Variants in PRMT2 observed in about 807,000 individuals in gnomAD.
The protein encoded by PRMT2 is protein arginine N-methyltransferase 2.
PRMT2 carries 26 observed loss-of-function variants against 57.6 expected under a neutral mutation model. The ratio of observed to expected loss-of-function variants is 0.45; its 90% CI spans 0.33 to 0.63. The LOEUF is 0.63. Among genes scored for constraint, PRMT2 ranks in the 20% least tolerant of loss-of-function variants. The probability of loss-of-function intolerance (pLI) is 0.02; values close to 1 mark genes in which losing one functional copy is unlikely to be tolerated. For synonymous variants in PRMT2, 219 were observed against 220.0 expected (o/e 1.00, Z 0.04); for missense variants, 472 against 564.4 (o/e 0.84, Z 1.66).
At chr21:46,653,327 AT>A (rs1172558472) in intron 7 of PRMT2, 31 of 985,338 alleles carry the variant, frequency 3.1e-5, no homozygotes, top group Middle Eastern at 5.2e-4. Context: ...GCCAGTAAGA[AT>A]TTAATTTCAT....
intron 3 of PRMT2, among the ~76,000 whole-genome samples, chr21:46,638,531 C>G (rs139261378): frequency 4.0e-4 from 61 of 152,330 alleles, no homozygotes; most frequent in African/African-American, 1.4e-3. Context: ...TTCAGTTTTA[C>G]TGGATAATGA....
chr21:46,647,557 G>A (rs1050151775), intron 5 of PRMT2, among the ~76,000 whole-genome samples: 6 of 152,006 alleles, frequency 3.9e-5, no homozygotes, highest in East Asian at 1.9e-4. Flanking sequence ...GCTGGAGTGC[G>A]GTGGTGCAGT....
intron 3 of PRMT2, chr21:46,643,212 G>A (rs150023154): frequency 3.4e-4 from 64 of 189,610 alleles, no homozygotes; most frequent in African/African-American, 1.4e-3. Flanking sequence ...TTCTCTTCAT[G>A]GGGTTGATGA....
chr21:46,638,888 A>T (rs1184203386), intron 3 of PRMT2, among the ~76,000 whole-genome samples: 1 of 151,802 alleles, frequency 6.6e-6, no homozygotes, highest in Non-Finnish European at 1.5e-5. Flanking sequence ...TTTCTATTTC[A>T]TTGATTTCTG....
At chr21:46,654,525 T>C (rs933106760) in intron 7 of PRMT2, among the ~76,000 whole-genome samples, 1 of 152,162 alleles carries the variant, frequency 6.6e-6, no homozygotes, top group South Asian at 2.1e-4. Context: ...ATAGTAGCAA[T>C]CGACTGGTGA....
At chr21:46,658,587 C>G in intron 7 of PRMT2, 158 bp from the exon 8 acceptor site, 10 of 1,337,752 alleles carry the variant, frequency 7.5e-6, no homozygotes, top group Non-Finnish European at 1.0e-5. Flanking sequence ...AATAAACCCT[C>G]GAGATGTTCT....
At chr21:46,659,405 G>A in intron 8 of PRMT2, 8 of 985,874 alleles carry the variant, frequency 8.1e-6, no homozygotes, top group Non-Finnish European at 8.4e-6. Flanking sequence ...GCAAAAACAC[G>A]ATTGTAAAAG....
chr21:46,636,982 G>A lies in PRMT2; in HGVS notation c.31G>A (p.Glu11Lys), dbSNP rs2061183213. Reference protein sequence around the residue: MATSGDCPRSESQGEEPAECS... With the variant: MATSGDCPRSKSQGEEPAECS... Reference sequence around the variant, plus strand: ...AACATCAGGTGACTGTCCCAGAAGTGAATCGCAGGTAATTTCCGTTCCACT... The same window carrying A: ...AACATCAGGTGACTGTCCCAGAAGTAAATCGCAGGTAATTTCCGTTCCACT... The change falls in exon 3 of 12, where the codon GAA (glutamate) becomes AAA (lysine). Residue 11 changes from glutamate to lysine, a missense_variant. By Grantham distance (56) the Glu-to-Lys change is moderately conservative. Coordinates refer to ENST00000355680, the MANE Select transcript of PRMT2 (RefSeq NM_206962.4). 4 of 1,613,696 alleles carry A rather than the reference G, an allele frequency of 2.5e-6. No homozygotes were observed. Among genetic ancestry groups the A allele is most frequent in the Non-Finnish European group, 3.4e-6 (4 of 1,179,896 alleles).
intron 3 of PRMT2, among the ~76,000 whole-genome samples, chr21:46,641,060 G>A (rs550230245): frequency 6.9e-6 from 1 of 144,588 alleles, no homozygotes; most frequent in Non-Finnish European, 1.5e-5. Context: ...GGAGGTGGAG[G>A]TTGCCATGAG....
At chr21:46,653,928 C>G in intron 7 of PRMT2, 1 of 1,005,302 alleles carries the variant, frequency 9.9e-7, no homozygotes, top group Non-Finnish European at 1.2e-6. Flanking sequence ...AGCCTTTTTT[C>G]TTTTCTTGTT....
At chr21:46,647,738 T>C (rs2061386462) in intron 5 of PRMT2, among the ~76,000 whole-genome samples, 1 of 152,244 alleles carries the variant, frequency 6.6e-6, no homozygotes, top group African/African-American at 2.4e-5. Context: ...AAAAATATAA[T>C]GTAAAATTCC....
At chr21:46,636,772 A>G in intron 2 of PRMT2, 124 bp from the exon 3 acceptor site, 1 of 577,666 alleles carries the variant, frequency 1.7e-6, no homozygotes, top group Non-Finnish European at 3.0e-6. Context: ...TTCTACACTA[A>G]TCTTCACACA....
chr21:46,641,820 A>C (rs1445287392), intron 3 of PRMT2, among the ~76,000 whole-genome samples: 1 of 151,826 alleles, frequency 6.6e-6, no homozygotes, highest in African/African-American at 2.4e-5. Context: ...CCGGGGGGTT[A>C]GTAAGGGTTG....
intron 7 of PRMT2, among the ~76,000 whole-genome samples, chr21:46,650,435 C>T (rs1003252652): frequency 5.9e-5 from 9 of 152,142 alleles, no homozygotes; most frequent in East Asian, 1.9e-4. Context: ...TTCCAGGAAA[C>T]GGTTTCCCCT....
chr21:46,660,022 G>T, intron 8 of PRMT2: 1 of 983,940 alleles, frequency 1.0e-6, no homozygotes, highest in Non-Finnish European at 1.2e-6. Context: ...GGCATATGGG[G>T]AATTTAAGCT....
At chr21:46,651,337 C>T (rs1210528558) in intron 7 of PRMT2, among the ~76,000 whole-genome samples, 5 of 151,962 alleles carry the variant, frequency 3.3e-5, no homozygotes, top group East Asian at 1.9e-4. Flanking sequence ...GGCTGGGGGC[C>T]GGGGTAGGGA....
At chr21:46,647,398 CTTCT>C (rs1485576216) in intron 5 of PRMT2, among the ~76,000 whole-genome samples, 1 of 152,032 alleles carries the variant, frequency 6.6e-6, no homozygotes, top group Non-Finnish European at 1.5e-5. Context: ...TTCTTTGTGA[CTTCT>C]TTTTCTTTTC....
chr21:46,651,756 A>G, intron 7 of PRMT2: 1 of 1,599,766 alleles, frequency 6.3e-7, no homozygotes, highest in African/African-American at 1.3e-5. Flanking sequence ...GAGGGTATGA[A>G]TCTGGGAGTC....
chr21:46,637,526 G>T (rs1402826705), intron 3 of PRMT2, among the ~76,000 whole-genome samples: 6 of 151,916 alleles, frequency 3.9e-5, no homozygotes. Flanking sequence ...CAATTTTAAT[G>T]TTTTCTTTTT....
Sources: gnomAD v4.1 joint callset for allele counts (sites outside exome capture counted in the v4.1 genomes callset) on GRCh38, gnomAD v4.1.1 for gene constraint, MANE v1.5 for transcripts, NCBI Gene and HGNC (gene_info 2026-07-23, HGNC 2026-07-21) for gene names.